Variants in CDS1 observed in about 807,000 individuals in gnomAD.
CDS1 encodes phosphatidate cytidylyltransferase 1.
In CDS1, 41 loss-of-function variants were observed where a neutral mutation model predicts 62.1. The ratio of observed to expected loss-of-function variants is 0.66; its 90% CI spans 0.51 to 0.86. The LOEUF (loss-of-function observed/expected upper bound fraction) is 0.86, where lower values mean the gene tolerates loss of function less well. CDS1 is among the 40% of genes least tolerant of loss of function. CDS1 has a pLI of 0.00. For missense variants in CDS1, 470 were observed against 550.1 expected (o/e 0.85, Z 1.46); for synonymous variants, 185 against 192.6 (o/e 0.96, Z 0.32).
At chr4:84,637,347 G>A (rs1044515333) in intron 8 of CDS1, among the ~76,000 whole-genome samples, 1 of 152,160 alleles carries the variant, frequency 6.6e-6, no homozygotes, top group Admixed American at 6.5e-5. Flanking sequence ...TTGGCTTATG[G>A]TTCTGCAAGC....
intron 8 of CDS1, among the ~76,000 whole-genome samples, chr4:84,638,488 C>G (rs1001960284): frequency 1.3e-5 from 2 of 152,086 alleles, no homozygotes; most frequent in South Asian, 2.1e-4. Flanking sequence ...TGTACTGATT[C>G]TATTTTTGGC....
At chr4:84,586,494 A>G (rs1166342090) in intron 1 of CDS1, among the ~76,000 whole-genome samples, 1 of 152,100 alleles carries the variant, frequency 6.6e-6, no homozygotes, top group Non-Finnish European at 1.5e-5. Context: ...ACAGGGTTCA[A>G]GCTCCTGTGA....
At chr4:84,628,783 C>T (rs1347771453) in intron 5 of CDS1, among the ~76,000 whole-genome samples, 2 of 152,152 alleles carry the variant, frequency 1.3e-5, no homozygotes. Flanking sequence ...AGTCCTCCTT[C>T]CTTGGCCTCC....
At chr4:84,595,253 G>A (rs900362981) in intron 1 of CDS1, among the ~76,000 whole-genome samples, 1 of 152,148 alleles carries the variant, frequency 6.6e-6, no homozygotes, top group African/African-American at 2.4e-5. Flanking sequence ...AGGTTAATAA[G>A]GAAGGGGCAT....
intron 1 of CDS1, among the ~76,000 whole-genome samples, chr4:84,589,450 T>C (rs547666706): frequency 6.6e-6 from 1 of 152,378 alleles, no homozygotes; most frequent in Non-Finnish European, 1.5e-5. Context: ...GAACATTTTC[T>C]ATAGTTTTTC....
At chr4:84,610,994 A>G (rs564810276) in intron 3 of CDS1, among the ~76,000 whole-genome samples, 1 of 152,322 alleles carries the variant, frequency 6.6e-6, no homozygotes, top group African/African-American at 2.4e-5. Context: ...GAAAAAGAAT[A>G]ATACTAAGAG....
chr4:84,604,256 A>G lies in CDS1; in HGVS notation c.131A>G (p.Asp44Gly). The change falls in exon 2 of 13, where the codon GAT becomes GGT. Residue 44 changes from aspartate (D) to glycine (G), a missense_variant. Asp to Gly is a moderately conservative substitution (Grantham distance 94). Transcript: ENST00000295887. ...TTTTAATTTTAGGAAACAGATATTG[A>G]TGACAGATATGGAGATTTGGATTCC... ...ESTSDKETDI[D>G]DRYGDLDSRT... is the part of the protein sequence containing the mutation. The G allele has an allele frequency of 6.2e-7, 1 of 1,609,518 alleles. No homozygotes were observed.
chr4:84,619,347 G>A, intron 4 of CDS1, 47 bp from the exon 5 acceptor site: 1 of 1,074,062 alleles, frequency 9.3e-7, no homozygotes, highest in African/African-American at 1.6e-5. Flanking sequence ...AGTTTGAGGG[G>A]AAGGAAAGCT....
At chr4:84,619,307 G>A in intron 4 of CDS1, 87 bp from the exon 5 acceptor site, 1 of 626,522 alleles carries the variant, frequency 1.6e-6, no homozygotes. Flanking sequence ...TGATCTTTGT[G>A]TCATCAGAAT....
chr4:84,615,271 C>T (rs1047516032), intron 3 of CDS1, among the ~76,000 whole-genome samples: 5 of 152,010 alleles, frequency 3.3e-5, no homozygotes, highest in Admixed American at 6.6e-5. Context: ...TTCTCTACTC[C>T]GCTACCACTT....
At chr4:84,632,137 T>C (rs1320478677) in intron 6 of CDS1, among the ~76,000 whole-genome samples, 1 of 152,220 alleles carries the variant, frequency 6.6e-6, no homozygotes, top group Non-Finnish European at 1.5e-5. Context: ...TTAAAGTTTT[T>C]GGGTTCCTTA....
Position 84,617,837 on chromosome 4 carries a change from A to G in CDS1, c.440+176A>G, listed in dbSNP as rs182146552. 1.2e-4 allele frequency among the ~76,000 whole-genome samples: 18 copies of G among 152,284 alleles called. 2 individuals are homozygous for G. Among genetic ancestry groups the G allele is most frequent in the Admixed American group, 1.1e-3 (17 of 15,302 alleles). On this transcript the variant is annotated intron_variant, in intron 4 of 12. Transcript: ENST00000295887. ...GATCACCTTTGTCTTTCCTACTCCAATACAACTTTTTTCAGATCTCATATT... is the reference window on the plus strand; with the variant it reads ...GATCACCTTTGTCTTTCCTACTCCAGTACAACTTTTTTCAGATCTCATATT...
Position 84,619,455 on chromosome 4 carries a change from A to T in CDS1, c.502A>T (p.Thr168Ser). 1.3e-6 allele frequency: 2 copies of T among 1,591,606 alleles called. No homozygotes were observed. Among genetic ancestry groups the T allele is most frequent in the Non-Finnish European group, 1.7e-6 (2 of 1,161,194 alleles). Reference protein sequence around the residue: ...YGETVADYFATFVQREEQLQF... With the variant: ...YGETVADYFASFVQREEQLQF... ...AGAGACTGTAGCTGATTATTTTGCT[A>T]CATTTGTTCAAAGAGAAGAACAACT... is the stretch of plus-strand genomic sequence containing the variant. The change falls in exon 5 of 13, where the codon ACA becomes TCA. Residue 168 changes from threonine (T) to serine (S), a missense_variant. By Grantham distance (58) the Thr-to-Ser change is moderately conservative. This residue lies in a region of CDS1 where 214 missense variants were observed against 242.4 expected (regional missense o/e 0.88). Transcript: ENST00000295887.
At chr4:84,602,330 G>A (rs1722962062) in intron 1 of CDS1, among the ~76,000 whole-genome samples, 1 of 152,328 alleles carries the variant, frequency 6.6e-6, no homozygotes, top group African/African-American at 2.4e-5. Flanking sequence ...CTTGTTGAGG[G>A]TGAGGAGGGG....
In CDS1 at chr4:84,629,153, C is replaced by T. The variant is rs1029938997; in HGVS notation, c.581-2666C>T. The stretch of plus-strand genomic sequence containing the variant: ...CAATTGTACAAAAAGTGACCGTTTC[C>T]ACAGATTTATTAACATATAAATGTA... On this transcript the variant is annotated intron_variant, in intron 5 of 12. Coordinates refer to ENST00000295887, the MANE Select transcript of CDS1 (RefSeq NM_001263.4). 1.7e-4 allele frequency among the ~76,000 whole-genome samples: 26 copies of T among 152,016 alleles called. 1 individual carries two copies. Among genetic ancestry groups the T allele is most frequent in the Non-Finnish European group, 1.5e-5 (1 of 68,002 alleles).
chr4:84,613,881 T>C (rs972009753), intron 3 of CDS1, among the ~76,000 whole-genome samples: 16 of 152,190 alleles, frequency 1.1e-4, no homozygotes, highest in Non-Finnish European at 2.4e-4. Context: ...AGTTTACTTT[T>C]AAATAGTGTG....
At chr4:84,642,874 C>A in intron 10 of CDS1, 150 bp from the exon 11 acceptor site, 1 of 703,116 alleles carries the variant, frequency 1.4e-6, no homozygotes, top group Non-Finnish European at 2.3e-6. Flanking sequence ...ATAGACTTTT[C>A]TTCCTTGATC....
chr4:84,607,421 T>G lies in CDS1; in HGVS notation c.246-2008T>G, dbSNP rs560405808. Reference sequence around the variant, plus strand: ...ACCTCAGCCCCCAACATGCCCCGCCTCCTCTCCCCCCACTCCCCCCGCCCC... The same window carrying G: ...ACCTCAGCCCCCAACATGCCCCGCCGCCTCTCCCCCCACTCCCCCCGCCCC... On this transcript the variant is annotated intron_variant, in intron 2 of 12. Transcript: ENST00000295887. 4.0e-3 allele frequency among the ~76,000 whole-genome samples: 290 copies of G among 72,632 alleles called. 1 individual carries two copies. Among genetic ancestry groups the G allele is most frequent in the Non-Finnish European group, 7.2e-3 (258 of 35,974 alleles). The allele number at this position is 72,632 out of a possible 152,430, so 47.6% of individuals were successfully genotyped here.
Position 84,633,869 on chromosome 4 carries a change from C to A in CDS1, c.652C>A (p.His218Asn). 6.2e-7 allele frequency: 1 copy of A among 1,602,186 alleles called. No homozygotes were observed. ...GGGCTATTAACAGTTCGCATGGACT[C>A]ATGTCACTTTACTGATAACTGTCAC... ...RLQFYMFAWTHVTLLITVTQS... is the reference protein window; with the variant it reads ...RLQFYMFAWTNVTLLITVTQS... The change falls in exon 7 of 13, where the codon CAT becomes AAT. Residue 218 changes from histidine to asparagine, a missense_variant. Transcript: ENST00000295887.
Sources: allele counts gnomAD v4.1 joint callset (sites outside exome capture counted in the v4.1 genomes callset), GRCh38; gene constraint gnomAD v4.1.1; regional missense constraint gnomAD v4.1.1; transcripts MANE v1.5; gene names NCBI Gene and HGNC (gene_info 2026-07-23, HGNC 2026-07-21).